Variants in GLYR1 observed in about 807,000 individuals in gnomAD.
GLYR1 encodes the protein glyoxylate reductase 1 homolog.
Under a neutral mutation model 72.7 loss-of-function variants are expected in GLYR1, and 21 were observed. The ratio of observed to expected loss-of-function variants is 0.29; its 90% CI spans 0.20 to 0.42. GLYR1 has a LOEUF of 0.42. GLYR1 is among the 10% of genes least tolerant of loss of function. The pLI is 1.00. For synonymous variants in GLYR1, 392 were observed against 270.2 expected (o/e 1.45, Z -4.42); for missense variants, 594 against 712.1 (o/e 0.83, Z 1.89).
chr16:4,822,022 C>T (rs975925609), intron 7 of GLYR1, among the ~76,000 whole-genome samples: 2 of 152,204 alleles, frequency 1.3e-5, no homozygotes, highest in Non-Finnish European at 2.9e-5. Context: ...TGACAGCTTA[C>T]GATGTTTGGT....
chr16:4,841,998 T>G (rs530412947), intron 3 of GLYR1, among the ~76,000 whole-genome samples: 1 of 152,068 alleles, frequency 6.6e-6, no homozygotes, highest in Admixed American at 6.5e-5. Context: ...TCCCAGCACT[T>G]TGGGAGGCCG....
At chr16:4,818,332 T>C (rs749976775) in intron 9 of GLYR1, among the ~76,000 whole-genome samples, 1 of 152,160 alleles carries the variant, frequency 6.6e-6, no homozygotes, top group Non-Finnish European at 1.5e-5. Context: ...TCTTGTTCTG[T>C]TGCCCAGGCT....
intron 5 of GLYR1, among the ~76,000 whole-genome samples, chr16:4,830,063 C>G (rs2084690129): frequency 6.6e-6 from 1 of 152,048 alleles, no homozygotes; most frequent in Admixed American, 6.5e-5. Context: ...ACTGGCCTCC[C>G]AAAGTGCTAG....
chr16:4,825,898 C>T (rs1372917113), intron 5 of GLYR1, among the ~76,000 whole-genome samples: 4 of 152,110 alleles, frequency 2.6e-5, no homozygotes, highest in Admixed American at 2.0e-4. Flanking sequence ...GTGATCCGCC[C>T]GCCTCGGCCT....
At position 4,845,105 on chromosome 16, in the gene GLYR1, A is replaced by G. The variant is rs200396583; in HGVS notation, c.124T>C (p.Phe42Leu). 1 of 1,614,050 alleles carries G rather than the reference A, an allele frequency of 6.2e-7. No individual in the cohort carries two copies. The highest frequency in any genetic ancestry group is 8.5e-7 in the Non-Finnish European group (1 of 1,179,914). ...TCTGTTCCAAAAAATTTCACAAAGA[A>G]GCATTTCTTTCCGCGAGGTTTCTTC... ...DLKKPRGKKC[F>L]FVKFFGTEDH... The change falls in exon 3 of 16, where the codon TTC becomes CTC. Residue 42 changes from phenylalanine to leucine, a missense_variant. By Grantham distance (22) the Phe-to-Leu change is conservative. Transcript: ENST00000321919.
chr16:4,811,505 C>G, intron 14 of GLYR1, 118 bp downstream of exon 14: 1 of 1,370,102 alleles, frequency 7.3e-7, no homozygotes, highest in Non-Finnish European at 1.0e-6. Context: ...TGAACCTCCT[C>G]TGGCCAGGGT....
intron 3 of GLYR1, among the ~76,000 whole-genome samples, chr16:4,837,862 C>T (rs1412887236): frequency 1.3e-5 from 2 of 151,692 alleles, no homozygotes; most frequent in East Asian, 1.9e-4. Flanking sequence ...ACCCAGGAGG[C>T]GGAGGTTGCA....
rs565093982 is a variant in GLYR1, at chr16:4,821,238, A to G, written c.806+142T>C. 3.4e-4 allele frequency: 265 copies of G among 787,796 alleles called. 4 individuals are homozygous for G. The South Asian group carries it at 3.4e-3, about 10-fold the overall frequency. 48.8% of individuals were successfully genotyped at this position (787,796 alleles called of 1,614,324 possible). On this transcript the variant is annotated intron_variant, in intron 9 of 15. Coordinates refer to ENST00000321919, the MANE Select transcript of GLYR1 (RefSeq NM_032569.4). ...CTTTTGACTCCTGTCTTTATCGATA[A>G]GAGTTACAACATCCCCCCACCTTTT...
intron 8 of GLYR1, 36 bp from the exon 9 acceptor site, chr16:4,821,489 G>A: frequency 6.2e-7 from 1 of 1,613,932 alleles, no homozygotes; most frequent in South Asian, 1.1e-5. Context: ...AAGTCAGTCT[G>A]CCTGCAGTTT....
chr16:4,834,449 C>T (rs1596383107), intron 3 of GLYR1, among the ~76,000 whole-genome samples: 1 of 151,888 alleles, frequency 6.6e-6, no homozygotes, highest in Non-Finnish European at 1.5e-5. Context: ...CAGGCGTGAG[C>T]CACCACACCT....
At chr16:4,814,516 G>A (rs1162893180) in intron 11 of GLYR1, 21 bp downstream of exon 11, 2 of 1,590,176 alleles carry the variant, frequency 1.3e-6, no homozygotes, top group Non-Finnish European at 8.6e-7. Flanking sequence ...GAGTTGCTGA[G>A]GGGAGGGAGG....
intron 5 of GLYR1, among the ~76,000 whole-genome samples, chr16:4,828,561 G>T (rs991376345): frequency 7.2e-5 from 11 of 152,132 alleles, no homozygotes; most frequent in African/African-American, 2.6e-4. Context: ...AGGGCTGTCT[G>T]CAGTTTATTG....
chr16:4,842,136 C>T (rs537048058), intron 3 of GLYR1, among the ~76,000 whole-genome samples: 90 of 151,466 alleles, frequency 5.9e-4, no homozygotes, highest in Admixed American at 1.4e-3. Context: ...CCCAGCTACT[C>T]GGGAGGCTGA....
At chr16:4,825,034 T>C (rs2084292467) in intron 5 of GLYR1, among the ~76,000 whole-genome samples, 1 of 152,136 alleles carries the variant, frequency 6.6e-6, no homozygotes, top group Admixed American at 6.6e-5. Context: ...CTTCTCACCA[T>C]CCCTGCTACT....
rs779659960 is a variant in GLYR1 at position 4,823,832 on chromosome 16, T to C, written c.613A>G (p.Thr205Ala). 6 of 1,613,468 alleles carry C rather than the reference T, an allele frequency of 3.7e-6. No individual in the cohort carries two copies. The Admixed American group carries it at 6.7e-5, about 18-fold the overall frequency. Residue 205 changes from threonine to alanine, a missense_variant, in exon 6 of 16, where the codon ACC becomes GCC. By Grantham distance (58) the Thr-to-Ala change is moderately conservative. Coordinates refer to ENST00000321919, the MANE Select transcript of GLYR1 (RefSeq NM_032569.4). The part of the protein sequence containing the change: ...GPMAAFKWQP[T>A]ASEPVKDADP... ...GGAGAGCTCCTTACCTCGCTTGCGG[T>C]TGGCTGCCATTTAAACGCGGCCATC... is the stretch of plus-strand genomic sequence containing the variant.
intron 5 of GLYR1, 111 bp from the exon 6 acceptor site, chr16:4,824,018 G>A: frequency 1.3e-6 from 1 of 755,744 alleles, no homozygotes; most frequent in Non-Finnish European, 2.2e-6. Context: ...CCACTGTTCT[G>A]ATGACCGTCC....
chr16:4,807,406 C>G (rs1184386039), intron 15 of GLYR1, among the ~76,000 whole-genome samples: 1 of 152,012 alleles, frequency 6.6e-6, no homozygotes, highest in Non-Finnish European at 1.5e-5. Context: ...AGCCACCGTG[C>G]CCAGCTGAAA....
intron 3 of GLYR1, among the ~76,000 whole-genome samples, chr16:4,834,478 T>C (rs1008704095): frequency 2.1e-4 from 32 of 151,618 alleles, no homozygotes; most frequent in African/African-American, 7.0e-4. Context: ...TTTTTTCCTT[T>C]TTGAGACAGA....
chr16:4,821,299 T>A (rs761561163), intron 9 of GLYR1, 81 bp downstream of exon 9: 289 of 1,442,772 alleles, frequency 2.0e-4, no homozygotes, highest in Non-Finnish European at 2.7e-4. Flanking sequence ...ACACAACCCT[T>A]AAAGAACCCC....
Sources: allele counts gnomAD v4.1 joint callset (sites outside exome capture counted in the v4.1 genomes callset), GRCh38; gene constraint gnomAD v4.1.1; transcripts MANE v1.5; gene names NCBI Gene and HGNC (gene_info 2026-07-23, HGNC 2026-07-21).